RALYL: variants seen among roughly 807,000 people sequenced by gnomAD.
RALYL encodes the protein RALY RNA binding protein like.
Under a neutral mutation model 35.1 loss-of-function variants are expected in RALYL, and 29 were observed. The observed-to-expected ratio is 0.83, with a 90% CI of 0.61 to 1.13. RALYL has a LOEUF of 1.13. RALYL is among the 50% of genes most tolerant of loss of function. The pLI is 0.00. For synonymous variants in RALYL, 120 were observed against 127.6 expected, an observed-to-expected ratio of 0.94 and a Z score of 0.40; for missense variants, 359 against 360.4, an observed-to-expected ratio of 1.00 and a Z score of 0.03.
chr8:84,422,836 A>T (rs1238963173), intron 1 of RALYL, among the ~76,000 whole-genome samples: 1 of 148,630 alleles, frequency 6.7e-6, no homozygotes, highest in African/African-American at 2.5e-5. Context: ...CAGGTTGTTC[A>T]GTTTCCATGT....
chr8:84,791,015 C>T (rs1252378883), intron 3 of RALYL, among the ~76,000 whole-genome samples: 1 of 152,030 alleles, frequency 6.6e-6, no homozygotes, highest in African/African-American at 2.4e-5. Flanking sequence ...TGATTTATGA[C>T]AAAGTAGACA....
intron 2 of RALYL, among the ~76,000 whole-genome samples, chr8:84,567,581 A>C (rs1421172987): frequency 1.3e-5 from 2 of 151,828 alleles, no homozygotes; most frequent in Non-Finnish European, 2.9e-5. Context: ...TATATACCAC[A>C]TGTTCTTTAT....
At chr8:84,627,451 T>C (rs1038023723) in intron 2 of RALYL, among the ~76,000 whole-genome samples, 1 of 147,738 alleles carries the variant, frequency 6.8e-6, no homozygotes, top group African/African-American at 2.5e-5. Flanking sequence ...GAGAGAGGTC[T>C]TATCGAGTGG....
chr8:84,278,682 C>T (rs777780533), intron 1 of RALYL, among the ~76,000 whole-genome samples: 1 of 152,194 alleles, frequency 6.6e-6, no homozygotes, highest in East Asian at 1.9e-4. Context: ...CAAAATGCTG[C>T]CAGTCCCTTT....
chr8:84,546,980 G>T (rs777732344), intron 2 of RALYL, among the ~76,000 whole-genome samples: 12 of 151,954 alleles, frequency 7.9e-5, no homozygotes, highest in Non-Finnish European at 1.5e-4. Context: ...TTTACCTTAA[G>T]TTCTGGGATA....
intron 2 of RALYL, among the ~76,000 whole-genome samples, chr8:84,622,602 AG>A (rs1821790905): frequency 2.0e-5 from 3 of 152,130 alleles, no homozygotes; most frequent in Non-Finnish European, 4.4e-5. Context: ...GAGGGGCATT[AG>A]TACATATAAT....
At chr8:84,716,130 A>G (rs192870293) in intron 2 of RALYL, among the ~76,000 whole-genome samples, 16 of 152,258 alleles carry the variant, frequency 1.1e-4, no homozygotes, top group Admixed American at 9.2e-4. Flanking sequence ...TTAAATAAAC[A>G]CATTGTTCTT....
chr8:84,253,441 C>T (rs1830625167), intron 1 of RALYL, among the ~76,000 whole-genome samples: 1 of 151,110 alleles, frequency 6.6e-6, no homozygotes, highest in Admixed American at 6.6e-5. Context: ...ATCTCGTGAT[C>T]CGCCTGCCTC....
intron 2 of RALYL, among the ~76,000 whole-genome samples, chr8:84,730,046 C>T (rs910666986): frequency 3.3e-5 from 5 of 152,146 alleles, no homozygotes; most frequent in Non-Finnish European, 7.3e-5. Context: ...AGACCAACAT[C>T]ATCCTGATAC....
At chr8:84,390,717 G>C (rs1030467999) in intron 1 of RALYL, among the ~76,000 whole-genome samples, 2 of 151,742 alleles carry the variant, frequency 1.3e-5, no homozygotes, top group Non-Finnish European at 2.9e-5. Context: ...ACTGGAAGGT[G>C]GTTCTTTTCA....
At chr8:84,269,084 C>T (rs1191920966) in intron 1 of RALYL, among the ~76,000 whole-genome samples, 2 of 152,028 alleles carry the variant, frequency 1.3e-5, no homozygotes, top group African/African-American at 4.8e-5. Context: ...TCTAGTGTTG[C>T]TTCTTTTCAG....
At chr8:84,387,831 G>A (rs1859601367) in intron 1 of RALYL, among the ~76,000 whole-genome samples, 1 of 146,950 alleles carries the variant, frequency 6.8e-6, no homozygotes, top group Admixed American at 6.8e-5. Context: ...TTGTAAGATA[G>A]CTACATTTTA....
intron 1 of RALYL, among the ~76,000 whole-genome samples, chr8:84,227,056 C>CTT (rs1158995864): frequency 0.027 from 2,203 of 81,818 alleles, 204 homozygotes; most frequent in African/African-American, 0.065. Context: ...AATTGTATTT[C>CTT]TTTTTTTTTT....
At chr8:84,820,557 C>G (rs1257478012) in intron 4 of RALYL, among the ~76,000 whole-genome samples, 2 of 152,036 alleles carry the variant, frequency 1.3e-5, no homozygotes, top group Non-Finnish European at 2.9e-5. Context: ...TAATTTTACT[C>G]TAAGTTCTGG....
In RALYL at chr8:84,827,930, C is replaced by T. The variant is rs1022438159; in HGVS notation, c.366-22050C>T. Among the ~76,000 whole-genome samples the T allele has an allele frequency of 2.0e-5, 3 of 151,980 alleles. No individual in the cohort carries two copies. The East Asian group carries it at 5.8e-4, about 29-fold the overall frequency. ...TAAGCCACTTGGTAATTTTTACTGA[C>T]ATAGAACTATATAAACTTTTAGTAA... On this transcript the variant is annotated intron_variant, in intron 4 of 8. Transcript: ENST00000521268.
At chr8:84,723,225 G>C (rs144254626) in intron 2 of RALYL, among the ~76,000 whole-genome samples, 1 of 151,974 alleles carries the variant, frequency 6.6e-6, no homozygotes, top group Non-Finnish European at 1.5e-5. Flanking sequence ...CTTAGGCTTG[G>C]TTCAGGCCCT....
intron 6 of RALYL, among the ~76,000 whole-genome samples, chr8:84,870,297 C>A (rs1250885473): frequency 6.7e-6 from 1 of 148,726 alleles, no homozygotes; most frequent in Non-Finnish European, 1.5e-5. Context: ...CTCACTTTGT[C>A]ACCCAGGCTG....
At chr8:84,746,651 A>T (rs1268167883) in intron 2 of RALYL, among the ~76,000 whole-genome samples, 3 of 152,028 alleles carry the variant, frequency 2.0e-5, no homozygotes, top group Non-Finnish European at 2.9e-5. Flanking sequence ...TCATAATAAG[A>T]AATTACATAC....
intron 1 of RALYL, among the ~76,000 whole-genome samples, chr8:84,501,321 G>A (rs766116554): frequency 3.2e-4 from 48 of 152,066 alleles, no homozygotes; most frequent in Non-Finnish European, 5.3e-4. Flanking sequence ...CCCTTCAAAT[G>A]TAATTACATA....
Sources: allele counts gnomAD v4.1 joint callset (sites outside exome capture counted in the v4.1 genomes callset), GRCh38; gene constraint gnomAD v4.1.1; transcripts MANE v1.5; gene names NCBI Gene and HGNC (gene_info 2026-07-23, HGNC 2026-07-21).